Variants in SPRED2 observed in about 807,000 individuals in gnomAD.
The protein encoded by SPRED2 is sprouty-related, EVH1 domain-containing protein 2.
SPRED2 carries 47 observed loss-of-function variants against 43.0 expected under a neutral mutation model. The observed-to-expected ratio is 1.09, with a 90% CI of 0.87 to 1.40. The LOEUF (loss-of-function observed/expected upper bound fraction) is 1.40, where lower values mean the gene tolerates loss of function less well. Among genes scored for constraint, SPRED2 ranks in the 40% most tolerant of loss-of-function variants. The probability of loss-of-function intolerance (pLI) is 0.00; values close to 1 mark genes in which losing one functional copy is unlikely to be tolerated. For synonymous variants in SPRED2, 225 were observed against 225.7 expected (o/e 1.00, Z 0.03); for missense variants, 561 against 586.4 (o/e 0.96, Z 0.45).
At chr2:65,364,921 A>G (rs1476238577) in intron 1 of SPRED2, among the ~76,000 whole-genome samples, 1 of 152,214 alleles carries the variant, frequency 6.6e-6, no homozygotes, top group African/African-American at 2.4e-5. Flanking sequence ...CACCAAAACT[A>G]TAAGAAAAAA....
intron 2 of SPRED2, chr2:65,344,050 T>C (rs1183200560): frequency 1.3e-5 from 2 of 152,578 alleles, no homozygotes; most frequent in East Asian, 1.9e-4. Flanking sequence ...AGCAGGAGAA[T>C]TGCTTGAACC....
At chr2:65,410,200 G>A (rs1480635586) in intron 1 of SPRED2, among the ~76,000 whole-genome samples, 3 of 152,032 alleles carry the variant, frequency 2.0e-5, no homozygotes, top group African/African-American at 7.2e-5. Flanking sequence ...TCATGCCACT[G>A]CACTGCAGCC....
intron 2 of SPRED2, among the ~76,000 whole-genome samples, chr2:65,338,826 C>G (rs1202675934): frequency 6.6e-6 from 1 of 151,502 alleles, no homozygotes; most frequent in Non-Finnish European, 1.5e-5. Flanking sequence ...CGTCTCTGCC[C>G]GGCCGCCATC....
intron 1 of SPRED2, among the ~76,000 whole-genome samples, chr2:65,370,262 A>G (rs1675091713): frequency 1.3e-5 from 2 of 152,230 alleles, no homozygotes; most frequent in South Asian, 4.1e-4. Flanking sequence ...AAATGCGACC[A>G]TTCGCAACAA....
intron 4 of SPRED2, among the ~76,000 whole-genome samples, chr2:65,321,268 T>G (rs1054923755): frequency 6.6e-6 from 1 of 151,692 alleles, no homozygotes; most frequent in South Asian, 2.1e-4. Context: ...CACTGGGAGG[T>G]CTTGTGCACT....
At chr2:65,332,198 C>A (rs181635241) in intron 3 of SPRED2, 147 bp from the exon 4 acceptor site, 106 of 516,184 alleles carry the variant, frequency 2.1e-4, no homozygotes, top group African/African-American at 2.0e-3. Context: ...GAATTGAGTG[C>A]TTTTAATTTA....
chr2:65,423,813 G>A (rs1287651434), intron 1 of SPRED2, among the ~76,000 whole-genome samples: 2 of 148,482 alleles, frequency 1.3e-5, no homozygotes, highest in South Asian at 2.1e-4. Flanking sequence ...TGCTCTTGTT[G>A]ACCAGGCTGG....
At chr2:65,370,408 T>C (rs2104338903) in intron 1 of SPRED2, among the ~76,000 whole-genome samples, 1 of 152,306 alleles carries the variant, frequency 6.6e-6, no homozygotes, top group South Asian at 2.1e-4. Flanking sequence ...CATTCGAGTG[T>C]TTATATGCTG....
Position 65,313,578 on chromosome 2 carries a change from A to G in SPRED2, c.1180T>C (p.Tyr394His). ...TGGTAGCAGGCCCGAAGGGGCAGGT[A>G]ACAGCACATACAGGGGGCCAGGAAA... ...LSFLAPCMCC[Y>H]LPLRACYHCG... is the part of the protein sequence containing the mutation. The change falls in exon 6 of 6, where the codon TAC becomes CAC. Residue 394 changes from tyrosine (Y) to histidine (H), a missense_variant. Physicochemically the swap from Tyr to His is moderately conservative, Grantham distance 83. This residue lies in a region of SPRED2 where 65 missense variants were observed against 60.2 expected (regional missense o/e 1.08). Transcript: ENST00000356388. The G allele has an allele frequency of 1.2e-6, 2 of 1,614,204 alleles. No individual in the cohort carries two copies. Among genetic ancestry groups the G allele is most frequent in the South Asian group, 1.1e-5 (1 of 91,086 alleles).
chr2:65,345,067 C>G (rs1674310078), intron 1 of SPRED2, among the ~76,000 whole-genome samples, 171 bp from the exon 2 acceptor site: 1 of 151,964 alleles, frequency 6.6e-6, no homozygotes, highest in South Asian at 2.1e-4. Flanking sequence ...AGGGAAAAAA[C>G]AAAACACTTA....
At position 65,311,110 on chromosome 2, in the gene SPRED2, G is replaced by C; in HGVS notation, c.*2391C>G. The C allele has an allele frequency of 2.0e-6, 2 of 985,764 alleles. No individual in the cohort carries two copies. Among genetic ancestry groups the C allele is most frequent in the African/African-American group, 1.7e-5 (1 of 57,342 alleles). The allele number at this position is 985,764 out of a possible 1,614,324, so 61.1% of individuals were successfully genotyped here. A position where few individuals can be genotyped will look rare whatever the true frequency, so the allele number is the denominator to read the frequency against. Reference sequence around the variant, plus strand: ...GCAAATAGCTTGGGGGGTCGGGGAGGCTTCTGGACAGAAAATCTTTTGGTT... The same window carrying C: ...GCAAATAGCTTGGGGGGTCGGGGAGCCTTCTGGACAGAAAATCTTTTGGTT... On this transcript the variant is annotated 3_prime_UTR_variant, in exon 6 of 6. Coordinates refer to ENST00000356388, the MANE Select transcript of SPRED2 (RefSeq NM_181784.3).
chr2:65,325,511 A>C (rs1323325267), intron 4 of SPRED2, among the ~76,000 whole-genome samples: 1 of 152,194 alleles, frequency 6.6e-6, no homozygotes, highest in African/African-American at 2.4e-5. Context: ...CATGTGTAAA[A>C]TGAGGGAGTT....
At chr2:65,322,256 C>A (rs1164116492) in intron 4 of SPRED2, among the ~76,000 whole-genome samples, 1 of 76,882 alleles carries the variant, frequency 1.3e-5, no homozygotes, top group African/African-American at 6.5e-5. Flanking sequence ...CTCTCTCTCT[C>A]TCTCTCTCTC....
At chr2:65,404,860 A>G (rs72824318) in intron 1 of SPRED2, among the ~76,000 whole-genome samples, 20,316 of 152,168 alleles carry the variant, frequency 0.13, 1,794 homozygotes, top group South Asian at 0.2. Context: ...CTGCCAAACA[A>G]ACACCTCCCC....
At chr2:65,347,193 A>C (rs533025956) in intron 1 of SPRED2, among the ~76,000 whole-genome samples, 2 of 151,782 alleles carry the variant, frequency 1.3e-5, no homozygotes, top group Admixed American at 6.6e-5. Context: ...GCCCTCCCCC[A>C]AACCCCATGT....
At chr2:65,364,166 A>G (rs989271075) in intron 1 of SPRED2, among the ~76,000 whole-genome samples, 6 of 152,202 alleles carry the variant, frequency 3.9e-5, no homozygotes, top group African/African-American at 1.4e-4. Context: ...CTTATACACA[A>G]TAGCAATGAG....
rs1391709188 is a variant in SPRED2 at position 65,421,562 on chromosome 2, CCAGGTGAA to C, written c.26+10392_26+10399del. ...AAAACAGCAAGGCTACAATACAGGT[CCAGGTGAA>C]CACAATGCTGTGTTAGCCACATTGC... On this transcript the variant is annotated intron_variant, in intron 1 of 5. Coordinates refer to ENST00000356388, the MANE Select transcript of SPRED2 (RefSeq NM_181784.3). Among the ~76,000 whole-genome samples the C allele has an allele frequency of 2.6e-5, 4 of 152,196 alleles. No individual in the cohort carries two copies. The East Asian group carries it at 7.7e-4, about 29-fold the overall frequency.
intron 1 of SPRED2, among the ~76,000 whole-genome samples, chr2:65,363,223 G>T (rs1674876587): frequency 9.2e-6 from 1 of 109,020 alleles, no homozygotes; most frequent in Non-Finnish European, 1.8e-5. Context: ...TGGGCAATAA[G>T]AGCAAAACTC....
At chr2:65,367,632 T>C (rs1327100450) in intron 1 of SPRED2, among the ~76,000 whole-genome samples, 1 of 152,174 alleles carries the variant, frequency 6.6e-6, no homozygotes, top group African/African-American at 2.4e-5. Flanking sequence ...CCTGCGGCTG[T>C]TGTGAGTGTT....
Sources: gnomAD v4.1 joint callset for allele counts (sites outside exome capture counted in the v4.1 genomes callset) on GRCh38, gnomAD v4.1.1 for gene constraint, gnomAD v4.1.1 regional missense constraint, MANE v1.5 for transcripts, NCBI Gene and HGNC (gene_info 2026-07-23, HGNC 2026-07-21) for gene names.